ZMAT4: variants seen among roughly 807,000 people sequenced by gnomAD.
ZMAT4 encodes zinc finger matrin-type protein 4.
Under a neutral mutation model 28.7 loss-of-function variants are expected in ZMAT4, and 17 were observed. That is an observed-to-expected ratio of 0.59 (90% confidence interval 0.41 to 0.89). The LOEUF (loss-of-function observed/expected upper bound fraction) is 0.89, where lower values mean the gene tolerates loss of function less well. Among genes scored for constraint, ZMAT4 ranks in the 40% least tolerant of loss-of-function variants. ZMAT4 has a pLI of 0.00. For missense variants in ZMAT4, 240 were observed against 283.8 expected (o/e 0.85, Z 1.11); for synonymous variants, 117 against 109.2 (o/e 1.07, Z -0.44).
At chr8:40,826,453 T>C (rs971752337) in intron 1 of ZMAT4, among the ~76,000 whole-genome samples, 8 of 152,228 alleles carry the variant, frequency 5.3e-5, no homozygotes, top group Non-Finnish European at 1.0e-4. Flanking sequence ...AAATTGCTTT[T>C]GCAATTTTCT....
At chr8:40,660,109 T>A (rs1808119503) in intron 5 of ZMAT4, among the ~76,000 whole-genome samples, 1 of 152,192 alleles carries the variant, frequency 6.6e-6, no homozygotes, top group African/African-American at 2.4e-5. Context: ...TCATACTTTG[T>A]AAAAATAGGT....
chr8:40,594,657 G>T (rs1190235465), intron 5 of ZMAT4, among the ~76,000 whole-genome samples: 7 of 152,188 alleles, frequency 4.6e-5, no homozygotes, highest in African/African-American at 1.7e-4. Context: ...TTTTAATCAA[G>T]ATGGTTCTTT....
intron 2 of ZMAT4, among the ~76,000 whole-genome samples, chr8:40,821,127 A>T (rs926267127): frequency 6.6e-6 from 1 of 151,470 alleles, no homozygotes; most frequent in Non-Finnish European, 1.5e-5. Context: ...ACACACATAT[A>T]TCATCTTTCT....
chr8:40,607,117 C>CTTTTTTTTTTTTTTTT (rs71544299), intron 5 of ZMAT4, among the ~76,000 whole-genome samples: 4 of 65,716 alleles, frequency 6.1e-5, no homozygotes, highest in Admixed American at 2.2e-4. Flanking sequence ...TATCTTGTAT[C>CTTTTTTTTTTTTTTTT]TTTTTTTTTT....
intron 1 of ZMAT4, among the ~76,000 whole-genome samples, chr8:40,861,919 A>G (rs1301778312): frequency 6.6e-6 from 1 of 152,124 alleles, no homozygotes; most frequent in Non-Finnish European, 1.5e-5. Context: ...GTCAGGAAAC[A>G]ACAGGTGCTG....
chr8:40,818,458 G>A lies in ZMAT4; in HGVS notation c.102+7117C>T, dbSNP rs1192406616. On this transcript the variant is annotated intron_variant, in intron 2 of 6. Coordinates refer to ENST00000297737, the MANE Select transcript of ZMAT4 (RefSeq NM_024645.3). ...AGTATTATCTGTGTAGTAAGTCCTA[G>A]GATATTACGAAGATATTACCCTGGA... Among the ~76,000 whole-genome samples, 3 of 152,172 alleles carry A rather than the reference G, an allele frequency of 2.0e-5. No homozygotes were observed. In the South Asian group the frequency reaches 6.2e-4, roughly 31 times the overall value.
intron 3 of ZMAT4, among the ~76,000 whole-genome samples, chr8:40,723,680 A>G (rs1811202967): frequency 6.6e-6 from 1 of 152,226 alleles, no homozygotes; most frequent in East Asian, 1.9e-4. Context: ...CAGATTTTAT[A>G]TTATTCCTGT....
At chr8:40,691,773 C>T (rs4737164) in intron 4 of ZMAT4, among the ~76,000 whole-genome samples, 94,620 of 151,976 alleles carry the variant, frequency 0.62, 29,815 homozygotes, top group East Asian at 0.82. Context: ...AATGTGTTTC[C>T]GTCACTTTAC....
chr8:40,792,806 TAAAG>T (rs1178787763), intron 2 of ZMAT4, among the ~76,000 whole-genome samples: 2 of 141,198 alleles, frequency 1.4e-5, no homozygotes, highest in Admixed American at 1.5e-4. Context: ...TGAAAAGACA[TAAAG>T]AAAACTTAAA....
intron 5 of ZMAT4, among the ~76,000 whole-genome samples, chr8:40,624,760 A>G (rs749568120): frequency 6.6e-6 from 1 of 152,174 alleles, no homozygotes; most frequent in Non-Finnish European, 1.5e-5. Flanking sequence ...GAGGTAAAGC[A>G]AAAAGAGCTG....
chr8:40,878,020 A>C (rs1818098623), intron 1 of ZMAT4, among the ~76,000 whole-genome samples: 1 of 152,260 alleles, frequency 6.6e-6, no homozygotes, highest in Non-Finnish European at 1.5e-5. Flanking sequence ...TAGGGAGCTC[A>C]TTCTGGCACC....
intron 3 of ZMAT4, among the ~76,000 whole-genome samples, chr8:40,753,226 T>C (rs1274396784): frequency 6.6e-5 from 10 of 152,180 alleles, no homozygotes; most frequent in South Asian, 2.1e-4. Context: ...GCAAAGAACA[T>C]GAACTCATTC....
chr8:40,597,988 C>G (rs1431624403), intron 5 of ZMAT4, among the ~76,000 whole-genome samples: 1 of 152,148 alleles, frequency 6.6e-6, no homozygotes, highest in Non-Finnish European at 1.5e-5. Context: ...CCCATCAAGA[C>G]AGTAATATGC....
chr8:40,668,991 G>A (rs1365095579), intron 5 of ZMAT4, among the ~76,000 whole-genome samples: 1 of 151,814 alleles, frequency 6.6e-6, no homozygotes, highest in African/African-American at 2.4e-5. Flanking sequence ...ATTTAATTTA[G>A]CCCATAGGTC....
intron 1 of ZMAT4, among the ~76,000 whole-genome samples, chr8:40,880,481 C>T (rs1818183826): frequency 6.6e-6 from 1 of 152,046 alleles, no homozygotes; most frequent in Admixed American, 6.6e-5. Flanking sequence ...CATCTTTAAC[C>T]TTCAATAATT....
chr8:40,780,448 C>T (rs977648617), intron 2 of ZMAT4, among the ~76,000 whole-genome samples: 1 of 152,252 alleles, frequency 6.6e-6, no homozygotes, highest in African/African-American at 2.4e-5. Flanking sequence ...ACTGTCTGCA[C>T]TTCCAGAAAG....
intron 6 of ZMAT4, among the ~76,000 whole-genome samples, chr8:40,542,428 AC>A (rs1444377876): frequency 1.3e-5 from 2 of 152,010 alleles, no homozygotes; most frequent in African/African-American, 4.8e-5. Flanking sequence ...TCACTCTGTC[AC>A]CCAGGCTGGA....
At chr8:40,577,641 G>A (rs1307322877) in intron 6 of ZMAT4, among the ~76,000 whole-genome samples, 1 of 151,932 alleles carries the variant, frequency 6.6e-6, no homozygotes, top group Non-Finnish European at 1.5e-5. Flanking sequence ...CTAGAAGAGA[G>A]GATTGTAAAT....
chr8:40,832,921 T>G (rs984625093), intron 1 of ZMAT4, among the ~76,000 whole-genome samples: 2 of 152,322 alleles, frequency 1.3e-5, no homozygotes, highest in Non-Finnish European at 2.9e-5. Context: ...TTTGTTATAA[T>G]TTTGAGTTTT....
Sources: allele counts gnomAD v4.1 joint callset (sites outside exome capture counted in the v4.1 genomes callset), GRCh38; gene constraint gnomAD v4.1.1; transcripts MANE v1.5; gene names NCBI Gene and HGNC (gene_info 2026-07-23, HGNC 2026-07-21).